Variants in CCSER1 observed in about 807,000 individuals in gnomAD.
CCSER1 encodes coiled-coil serine rich protein 1, also known as serine-rich coiled-coil domain-containing protein 1.
In CCSER1, 41 loss-of-function variants were observed where a neutral mutation model predicts 82.0. That is an observed-to-expected ratio of 0.50 (90% CI 0.39 to 0.65). The LOEUF is 0.65. Among genes scored for constraint, CCSER1 ranks in the 30% least tolerant of loss-of-function variants. The probability of loss-of-function intolerance (pLI) is 0.00; values close to 1 mark genes in which losing one functional copy is unlikely to be tolerated. For synonymous variants in CCSER1, 414 were observed against 383.9 expected, an observed-to-expected ratio of 1.08 and a Z score of -0.92; for missense variants, 1,119 against 1,064.2, an observed-to-expected ratio of 1.05 and a Z score of -0.72.
At chr4:90,276,313 TTCTTTTTC>T (rs1383217538) in intron 1 of CCSER1, among the ~76,000 whole-genome samples, 28 of 135,040 alleles carry the variant, frequency 2.1e-4, no homozygotes, top group African/African-American at 3.2e-4. Flanking sequence ...CTTCCTTTCT[TTCTTTTTC>T]TTTCTTTCTT....
chr4:91,294,602 C>T (rs1313343929), intron 10 of CCSER1, among the ~76,000 whole-genome samples: 1 of 151,762 alleles, frequency 6.6e-6, no homozygotes, highest in East Asian at 2.0e-4. Context: ...CTGTTTTGAG[C>T]CCATCTGTTA....
At chr4:91,382,527 T>G (rs1348865939) in intron 10 of CCSER1, among the ~76,000 whole-genome samples, 4 of 152,240 alleles carry the variant, frequency 2.6e-5, no homozygotes, top group African/African-American at 9.6e-5. Context: ...TATAATCTCC[T>G]GGTGTGCCAT....
In CCSER1 at chr4:90,780,825, A is replaced by G. The variant is rs1753670045; in HGVS notation, c.2011-34937A>G. 2.3e-5 allele frequency: 24 copies of G among 1,053,946 alleles called. No individual in the cohort carries two copies. In the South Asian group the frequency reaches 8.3e-4, roughly 36 times the overall value. The allele number at this position is 1,053,946 out of a possible 1,614,324, so 65.3% of individuals were successfully genotyped here. ...ATGCGTGATCTTTTAGAGACCATAA[A>G]CTGTCAGTGTATTAGGCTGTTCTTG... On this transcript the variant is annotated intron_variant, in intron 7 of 10. Transcript: ENST00000509176.
chr4:91,548,215 C>G (rs558032076), intron 10 of CCSER1, among the ~76,000 whole-genome samples: 1 of 152,164 alleles, frequency 6.6e-6, no homozygotes, highest in African/African-American at 2.4e-5. Context: ...TAAGCAAAAT[C>G]CATTTTCAAA....
Position 90,127,437 on chromosome 4 carries a change from C to T in CCSER1, c.-436C>T, listed in dbSNP as rs1169007162. On this transcript the variant is annotated 5_prime_UTR_variant, in exon 1 of 11. Transcript: ENST00000509176. ...CTGCCGGGGAGGTGGATCTCGCGCT[C>T]CCCACACAGTCACACTCCGCGCACT... 2 of 152,496 alleles carry T rather than the reference C, an allele frequency of 1.3e-5. No homozygotes were observed. Among genetic ancestry groups the T allele is most frequent in the Non-Finnish European group, 2.9e-5 (2 of 68,292 alleles). The allele number at this position is 152,496 out of a possible 1,614,324, so 9.4% of individuals were successfully genotyped here. A position where few individuals can be genotyped will look rare whatever the true frequency, so the allele number is the denominator to read the frequency against.
intron 3 of CCSER1, among the ~76,000 whole-genome samples, chr4:90,368,477 GA>G (rs1189077263): frequency 1.3e-5 from 2 of 151,566 alleles, no homozygotes; most frequent in Non-Finnish European, 2.9e-5. Context: ...CTCCACAAAA[GA>G]AAAAAATACC....
chr4:91,105,459 A>G (rs919489007), intron 10 of CCSER1, among the ~76,000 whole-genome samples: 4 of 152,052 alleles, frequency 2.6e-5, no homozygotes, highest in Non-Finnish European at 5.9e-5. Context: ...TAATCCCAGC[A>G]CTTTGGGAGG....
Position 91,585,815 on chromosome 4 carries a change from A to C in CCSER1, c.2218-12757A>C, listed in dbSNP as rs554513719. Among the ~76,000 whole-genome samples the C allele has an allele frequency of 2.0e-5, 3 of 151,732 alleles. No individual in the cohort carries two copies. In the East Asian group the frequency reaches 5.8e-4, roughly 29 times the overall value. ...TAAAGAAAAAATTGTCCTAGGAAGG[A>C]ATTAAAGAGGGAGCTAGATCATTCA... is the stretch of plus-strand genomic sequence containing the variant. On this transcript the variant is annotated intron_variant, in intron 10 of 10. Coordinates refer to ENST00000509176, the MANE Select transcript of CCSER1 (RefSeq NM_001145065.2).
At chr4:91,109,334 T>C (rs1207097058) in intron 10 of CCSER1, among the ~76,000 whole-genome samples, 1 of 152,120 alleles carries the variant, frequency 6.6e-6, no homozygotes, top group Non-Finnish European at 1.5e-5. Context: ...TGTATCTACC[T>C]ACCTACCTTT....
chr4:90,180,080 G>A (rs1733433710), intron 1 of CCSER1, among the ~76,000 whole-genome samples: 1 of 150,534 alleles, frequency 6.6e-6, no homozygotes, highest in South Asian at 2.1e-4. Context: ...TTGTAAAACA[G>A]GGAAGTTGTT....
intron 4 of CCSER1, among the ~76,000 whole-genome samples, chr4:90,442,164 G>GA (rs1759979415): frequency 2.6e-5 from 4 of 152,066 alleles, no homozygotes; most frequent in Admixed American, 2.6e-4. Context: ...TTCTCACAAC[G>GA]AGGGGGGTCA....
intron 6 of CCSER1, among the ~76,000 whole-genome samples, chr4:90,690,354 T>G (rs1308667709): frequency 6.6e-6 from 1 of 151,982 alleles, no homozygotes; most frequent in Non-Finnish European, 1.5e-5. Context: ...GTATTAAAAG[T>G]GTATGTCTGG....
At chr4:90,732,390 G>A (rs1327394670) in intron 7 of CCSER1, among the ~76,000 whole-genome samples, 1 of 152,128 alleles carries the variant, frequency 6.6e-6, no homozygotes, top group Non-Finnish European at 1.5e-5. Context: ...TACCAGCAAT[G>A]TGAACAGAGG....
chr4:90,546,557 A>C (rs1242626580), intron 5 of CCSER1, among the ~76,000 whole-genome samples: 1 of 152,166 alleles, frequency 6.6e-6, no homozygotes, highest in Non-Finnish European at 1.5e-5. Context: ...TATGTATAGA[A>C]CAACTAAAGT....
At chr4:91,151,287 T>A (rs1030457715) in intron 10 of CCSER1, among the ~76,000 whole-genome samples, 2 of 152,190 alleles carry the variant, frequency 1.3e-5, no homozygotes, top group Non-Finnish European at 2.9e-5. Flanking sequence ...CTGATGGTAG[T>A]TTGTATCTCT....
chr4:91,547,816 C>T (rs1761965926), intron 10 of CCSER1, among the ~76,000 whole-genome samples: 1 of 152,064 alleles, frequency 6.6e-6, no homozygotes, highest in Non-Finnish European at 1.5e-5. Context: ...GAGTCTGGCT[C>T]TGTTGCCCAG....
At chr4:90,657,617 G>A (rs1729947066) in intron 6 of CCSER1, among the ~76,000 whole-genome samples, 1 of 151,938 alleles carries the variant, frequency 6.6e-6, no homozygotes, top group South Asian at 2.1e-4. Context: ...CCTTCATTAT[G>A]CTTCACTAAT....
intron 7 of CCSER1, among the ~76,000 whole-genome samples, chr4:90,810,728 G>A (rs1366435876): frequency 6.6e-6 from 1 of 151,954 alleles, no homozygotes; most frequent in Non-Finnish European, 1.5e-5. Flanking sequence ...AACACTTTAA[G>A]TATTGCATGA....
At chr4:91,281,329 G>A (rs1280433454) in intron 10 of CCSER1, among the ~76,000 whole-genome samples, 3 of 152,066 alleles carry the variant, frequency 2.0e-5, no homozygotes, top group Non-Finnish European at 4.4e-5. Context: ...CATGCCTCTA[G>A]TCAGCTATCT....
Sources: gnomAD v4.1 joint callset for allele counts (sites outside exome capture counted in the v4.1 genomes callset) on GRCh38, gnomAD v4.1.1 for gene constraint, MANE v1.5 for transcripts, NCBI Gene and HGNC (gene_info 2026-07-23, HGNC 2026-07-21) for gene names.